Variants in PNLIPRP3 observed in about 807,000 individuals in gnomAD.
PNLIPRP3 encodes the protein pancreatic lipase related protein 3.
Under a neutral mutation model 52.8 loss-of-function variants are expected in PNLIPRP3, and 58 were observed. The ratio of observed to expected loss-of-function variants is 1.10; its 90% CI spans 0.89 to 1.37. The LOEUF (loss-of-function observed/expected upper bound fraction) is 1.37, where lower values mean the gene tolerates loss of function less well. Among genes scored for constraint, PNLIPRP3 ranks in the 40% most tolerant of loss-of-function variants. The pLI is 0.00. For missense variants in PNLIPRP3, 593 were observed against 561.6 expected, an observed-to-expected ratio of 1.06 and a Z score of -0.57; for synonymous variants, 192 against 185.0, an observed-to-expected ratio of 1.04 and a Z score of -0.31.
In PNLIPRP3 at chr10:116,469,291, A is replaced by T; in HGVS notation, c.1034A>T (p.Asn345Ile). 1 of 1,609,332 alleles carries T rather than the reference A, an allele frequency of 6.2e-7. No individual in the cohort carries two copies. Among genetic ancestry groups the T allele is most frequent in the South Asian group, 1.1e-5 (1 of 89,622 alleles). Residue 345 changes from asparagine to isoleucine, a missense_variant, in exon 9 of 12, where the codon AAC (asparagine) becomes ATC (isoleucine). Physicochemically the swap from Asn to Ile is moderately radical, Grantham distance 149 (BLOSUM62 -3). Coordinates refer to ENST00000369230, the MANE Select transcript of PNLIPRP3 (RefSeq NM_001011709.3). ...ACTAATGGATCACATTATTTTTTAAACACAGGGTCCCTTTCCCCATTTGCC... is the reference window on the plus strand; with the variant it reads ...ACTAATGGATCACATTATTTTTTAATCACAGGGTCCCTTTCCCCATTTGCC... ...MKTNGSHYFL[N>I]TGSLSPFARW...
chr10:116,446,345 CAAAAAAAAAA>C lies in PNLIPRP3; in HGVS notation c.456+1850_456+1859del, dbSNP rs35901373. Among the ~76,000 whole-genome samples, 19 of 65,882 alleles carry C rather than the reference CAAAAAAAAAA, an allele frequency of 2.9e-4. 1 individual carries two copies. The highest frequency in any genetic ancestry group is 1.5e-3 in the Admixed American group (7 of 4,526). The allele number at this position is 65,882 out of a possible 152,430, so 43.2% of individuals were successfully genotyped here. ...TGGGCCAGAGTGCGACGCTGCGTCT[CAAAAAAAAAA>C]AAAAAAAAAAAAAAAAATAGTGGCA... On this transcript the variant is annotated intron_variant, in intron 4 of 11. Transcript: ENST00000369230.
chr10:116,455,182 T>A (rs888153154), intron 4 of PNLIPRP3, among the ~76,000 whole-genome samples: 5 of 152,266 alleles, frequency 3.3e-5, no homozygotes, highest in African/African-American at 9.6e-5. Flanking sequence ...CTTCTTTTGA[T>A]AACTATTCAA....
intron 10 of PNLIPRP3, 46 bp downstream of exon 10, chr10:116,471,925 A>C: frequency 4.9e-5 from 58 of 1,181,642 alleles, no homozygotes; most frequent in Non-Finnish European, 6.8e-5. Flanking sequence ...CTGGGGGCTC[A>C]GTAACACTAA....
chr10:116,469,692 A>G (rs1846335339), intron 9 of PNLIPRP3, among the ~76,000 whole-genome samples: 1 of 152,154 alleles, frequency 6.6e-6, no homozygotes, highest in Admixed American at 6.5e-5. Flanking sequence ...GAGAGAGCAG[A>G]AACTGAAAGA....
chr10:116,463,959 C>T (rs990692422), intron 7 of PNLIPRP3, among the ~76,000 whole-genome samples: 2 of 150,556 alleles, frequency 1.3e-5, no homozygotes, highest in African/African-American at 4.9e-5. Flanking sequence ...CTGGGCACAA[C>T]AAGATAGTGA....
chr10:116,461,122 T>A (rs973051060), intron 6 of PNLIPRP3, 37 bp downstream of exon 6: 4 of 1,614,130 alleles, frequency 2.5e-6, no homozygotes, highest in Non-Finnish European at 3.4e-6. Flanking sequence ...CATTGAAGCA[T>A]AGAGGAGATT....
At chr10:116,472,531 G>T (rs1219782628) in intron 10 of PNLIPRP3, among the ~76,000 whole-genome samples, 1 of 152,146 alleles carries the variant, frequency 6.6e-6, no homozygotes, top group Non-Finnish European at 1.5e-5. Flanking sequence ...AATGTATTAG[G>T]TGTTTTATCT....
chr10:116,443,881 A>T (rs1005990591), intron 3 of PNLIPRP3, among the ~76,000 whole-genome samples: 3 of 145,582 alleles, frequency 2.1e-5, no homozygotes, highest in African/African-American at 7.7e-5. Flanking sequence ...GTTAGGACAG[A>T]GCTTAGCCTG....
At chr10:116,447,012 C>A (rs1275113859) in intron 4 of PNLIPRP3, among the ~76,000 whole-genome samples, 1 of 152,038 alleles carries the variant, frequency 6.6e-6, no homozygotes, top group Non-Finnish European at 1.5e-5. Context: ...CCAATGAGAA[C>A]AAAGATGGGA....
In PNLIPRP3 at chr10:116,476,790, G is replaced by C. The variant is rs911878969; in HGVS notation, c.1311G>C (p.Val437=). 2 of 1,606,614 alleles carry C rather than the reference G, an allele frequency of 1.2e-6. No homozygotes were observed. Among genetic ancestry groups the C allele is most frequent in the African/African-American group, 2.7e-5 (2 of 74,518 alleles). ...AGAATAAGTTGGGAGCAGAAATGGTGATAAATACATCTGGGAAATATGGAT... is the reference window on the plus strand; with the variant it reads ...AGAATAAGTTGGGAGCAGAAATGGTCATAAATACATCTGGGAAATATGGAT... ...DSQNKLGAEM[V]INTSGKYGYK... is the part of the protein sequence containing the mutation. The change falls in exon 11 of 12, where the codon GTG becomes GTC. Residue 437 remains valine (V), a synonymous_variant. Transcript: ENST00000369230.
chr10:116,476,540 A>T (rs1463638560), intron 10 of PNLIPRP3, 112 bp from the exon 11 acceptor site: 3 of 790,314 alleles, frequency 3.8e-6, no homozygotes, highest in Non-Finnish European at 5.7e-6. Context: ...TCCTACAAGC[A>T]AATGCTAGCA....
chr10:116,455,251 T>C, intron 4 of PNLIPRP3, among the ~76,000 whole-genome samples: 1 of 152,244 alleles, frequency 6.6e-6, no homozygotes, highest in East Asian at 1.9e-4. Context: ...TATTTGAGTT[T>C]GTGAATATTC....
chr10:116,465,709 T>C (rs1380122000), intron 7 of PNLIPRP3, among the ~76,000 whole-genome samples: 1 of 152,142 alleles, frequency 6.6e-6, no homozygotes, highest in Non-Finnish European at 1.5e-5. Flanking sequence ...GCTTAAAGGT[T>C]GGGTTTCACT....
chr10:116,449,301 AATAG>A (rs3981235), intron 4 of PNLIPRP3, among the ~76,000 whole-genome samples: 134,535 of 152,004 alleles, frequency 0.89, 60,532 homozygotes, highest in Non-Finnish European at 0.97. Context: ...AGAGTGATTG[AATAG>A]ATAGTTTTGA....
At chr10:116,444,160 A>G (rs1372889833) in intron 3 of PNLIPRP3, among the ~76,000 whole-genome samples, 3 of 151,948 alleles carry the variant, frequency 2.0e-5, no homozygotes, top group African/African-American at 7.3e-5. Flanking sequence ...GCACGGGGGA[A>G]ACCACCCCCA....
intron 9 of PNLIPRP3, among the ~76,000 whole-genome samples, chr10:116,469,970 CAAAAA>C (rs34958696): frequency 1.5e-5 from 2 of 131,518 alleles, no homozygotes; most frequent in African/African-American, 5.5e-5. Context: ...ACAATTCAGG[CAAAAA>C]AAAAAAAAAA....
chr10:116,436,797 C>G lies in PNLIPRP3; in HGVS notation c.136C>G (p.Pro46Ala). ...TTTCTCAACAGAGTTGGTAGGTTTA[C>G]CCTGGTCTCCAGAGAAGATAAACAC... is the stretch of plus-strand genomic sequence containing the variant. Reference protein sequence around the residue: ...RTFSTELVGLPWSPEKINTRF... With the variant: ...RTFSTELVGLAWSPEKINTRF... Residue 46 changes from proline to alanine, a missense_variant, in exon 2 of 12, where the codon CCC becomes GCC. Coordinates refer to ENST00000369230, the MANE Select transcript of PNLIPRP3 (RefSeq NM_001011709.3). 2.5e-6 allele frequency: 4 copies of G among 1,613,780 alleles called. No homozygotes were observed. The highest frequency in any genetic ancestry group is 3.4e-6 in the Non-Finnish European group (4 of 1,179,794).
intron 8 of PNLIPRP3, among the ~76,000 whole-genome samples, chr10:116,467,644 T>G (rs1467495340): frequency 6.6e-6 from 1 of 152,166 alleles, no homozygotes. Context: ...GAATTTGATA[T>G]GTATCAAATA....
rs748719716 is a variant in PNLIPRP3 at position 116,460,994 on chromosome 10, C to T, written c.594C>T (p.His198=). 5.0e-6 allele frequency: 8 copies of T among 1,612,550 alleles called. No homozygotes were observed. Among genetic ancestry groups the T allele is most frequent in the Non-Finnish European group, 6.8e-6 (8 of 1,180,002 alleles). ...TGGACCCAGCTGGGCCATTTTTCCA[C>T]AACACTCCAAAGGAAGTCAGGCTAG... is the stretch of plus-strand genomic sequence containing the variant. ...TGLDPAGPFF[H]NTPKEVRLDP... Residue 198 remains histidine, a synonymous_variant, in exon 6 of 12, where the codon CAC becomes CAT. Coordinates refer to ENST00000369230, the MANE Select transcript of PNLIPRP3 (RefSeq NM_001011709.3).
Sources: gnomAD v4.1 joint callset for allele counts (sites outside exome capture counted in the v4.1 genomes callset) on GRCh38, gnomAD v4.1.1 for gene constraint, MANE v1.5 for transcripts, NCBI Gene and HGNC (gene_info 2026-07-23, HGNC 2026-07-21) for gene names.